ANTKMT: variants seen among roughly 807,000 people sequenced by gnomAD.
The protein encoded by ANTKMT is adenine nucleotide translocase lysine N-methyltransferase.
Under a neutral mutation model 20.7 loss-of-function variants are expected in ANTKMT, and 24 were observed. The ratio of observed to expected loss-of-function variants is 1.16; its 90% CI spans 0.84 to 1.63. The LOEUF (loss-of-function observed/expected upper bound fraction) is 1.63, where lower values mean the gene tolerates loss of function less well. ANTKMT is among the 40% of genes most tolerant of loss of function. The pLI, the probability that ANTKMT is intolerant of heterozygous loss-of-function variation, is 0.00. For missense variants in ANTKMT, 428 were observed against 334.8 expected, an observed-to-expected ratio of 1.28 and a Z score of -2.17; for synonymous variants, 193 against 161.2, an observed-to-expected ratio of 1.20 and a Z score of -1.49.
In ANTKMT at chr16:722,551, C is replaced by A. The variant is rs750648757; in HGVS notation, c.702C>A (p.Ala234=). Residue 234 remains alanine (A), a synonymous_variant, in exon 5 of 5, where the codon GCC becomes GCA. Coordinates refer to ENST00000569529, the MANE Select transcript of ANTKMT (RefSeq NM_023933.3). Reference sequence around the variant, plus strand: ...TCCCGGGGGGCCTTATTTCTCAGGCCAGCTGAGTATTAGACACGATAAAGA... The same window carrying A: ...TCCCGGGGGGCCTTATTTCTCAGGCAAGCTGAGTATTAGACACGATAAAGA... ...APIPGGLISQ[A]S 6.2e-7 allele frequency: 1 copy of A among 1,603,862 alleles called. No individual in the cohort carries two copies. Among genetic ancestry groups the A allele is most frequent in the South Asian group, 1.1e-5 (1 of 90,980 alleles).
rs572377243 is a variant in ANTKMT, at chr16:721,363, C to T, written c.89C>T (p.Ser30Leu). Residue 30 changes from serine (S) to leucine (L), a missense_variant, in exon 1 of 5, where the codon TCG becomes TTG. Coordinates refer to ENST00000569529, the MANE Select transcript of ANTKMT (RefSeq NM_023933.3). Reference protein sequence around the residue: ...ALELLQAAAGSGLAAYAVWAL... With the variant: ...ALELLQAAAGLGLAAYAVWAL... Reference sequence around the variant, plus strand: ...GAGCTGCTGCAGGCGGCGGCCGGCTCGGGCTTGGCAGCCTACGCGGTGTGG... The same window carrying T: ...GAGCTGCTGCAGGCGGCGGCCGGCTTGGGCTTGGCAGCCTACGCGGTGTGG... The T allele has an allele frequency of 5.3e-6, 7 of 1,332,912 alleles. No individual in the cohort carries two copies. The South Asian group carries it at 1.1e-4, about 21-fold the overall frequency. The allele number at this position is 1,332,912 out of a possible 1,614,324, so 82.6% of individuals were successfully genotyped here.
rs563458836 is a variant in ANTKMT, at chr16:722,136, T to C, written c.459+2T>C. 1 of 1,607,606 alleles carries C rather than the reference T, an allele frequency of 6.2e-7. No individual in the cohort carries two copies. Among genetic ancestry groups the C allele is most frequent in the South Asian group, 1.1e-5 (1 of 90,144 alleles). On this transcript the variant is annotated splice_donor_variant, in intron 4 of 4. Transcript: ENST00000569529. LOFTEE classifies it high-confidence loss of function. ...TCTGTGTTCCTGGCCCCTAGCGTGG[T>C]AGGTGCGGGGTTGCCAGCCCCGCTG...
rs370159029 is a variant in ANTKMT, at chr16:721,884, C to T, written c.351C>T (p.His117=). 371 of 1,570,462 alleles carry T rather than the reference C, an allele frequency of 2.4e-4. No homozygotes were observed. The highest frequency in any genetic ancestry group is 2.8e-4 in the Non-Finnish European group (331 of 1,166,054). The change falls in exon 3 of 5, where the codon CAC becomes CAT. Residue 117 remains histidine, a synonymous_variant. Transcript: ENST00000569529. ...GGCTGGTGGCGCTGGCGCGGCTGCA[C>T]GCCTGGAGGGCCGGCTGTGCCGGCA... ...NPWLVALARL[H]AWRAGCAGSV...
rs992191592 is a variant in ANTKMT, at chr16:721,171, C to G, written c.-104C>G. The G allele has an allele frequency of 4.9e-5, 56 of 1,135,126 alleles. No individual in the cohort carries two copies. The highest frequency in any genetic ancestry group is 6.0e-5 in the Non-Finnish European group (55 of 910,480). 70.3% of individuals were successfully genotyped at this position (1,135,126 alleles called of 1,614,324 possible). On this transcript the variant is annotated 5_prime_UTR_variant, in exon 1 of 5. Coordinates refer to ENST00000569529, the MANE Select transcript of ANTKMT (RefSeq NM_023933.3). ...ACTTCCGGTGTCGCGCGGCGGCTCC[C>G]GGCAGGAGGCAGAGGGCACACCGCC...
Position 721,186 on chromosome 16 carries a change from G to C in ANTKMT, c.-89G>C, listed in dbSNP as rs925154784. ...CGGCGGCTCCCGGCAGGAGGCAGAGGGCACACCGCCAGCCCCAGGCCAGGC... is the reference window on the plus strand; with the variant it reads ...CGGCGGCTCCCGGCAGGAGGCAGAGCGCACACCGCCAGCCCCAGGCCAGGC... On this transcript the variant is annotated 5_prime_UTR_variant, in exon 1 of 5. Coordinates refer to ENST00000569529, the MANE Select transcript of ANTKMT (RefSeq NM_023933.3). 5 of 1,177,694 alleles carry C rather than the reference G, an allele frequency of 4.2e-6. No homozygotes were observed. In the South Asian group the frequency reaches 2.1e-4, roughly 49 times the overall value. The allele number at this position is 1,177,694 out of a possible 1,614,324, so 73.0% of individuals were successfully genotyped here.
In ANTKMT at chr16:721,235, G is replaced by A. The variant is rs1437281571; in HGVS notation, c.-40G>A. 2 of 1,234,914 alleles carry A rather than the reference G, an allele frequency of 1.6e-6. No homozygotes were observed. Among genetic ancestry groups the A allele is most frequent in the African/African-American group, 3.2e-5 (2 of 63,454 alleles). The allele number at this position is 1,234,914 out of a possible 1,614,324, so 76.5% of individuals were successfully genotyped here. A position where few individuals can be genotyped will look rare whatever the true frequency, so the allele number is the denominator to read the frequency against. ...GCTGCGAGGGCCGCGGACCCGAGCC[G>A]GGAAGGACCTTGGGCGGACGAGCCG... On this transcript the variant is annotated 5_prime_UTR_variant, in exon 1 of 5. Transcript: ENST00000569529.
Position 722,476 on chromosome 16 carries a change from C to T in ANTKMT, c.627C>T (p.Ala209=). Residue 209 remains alanine (A), a synonymous_variant, in exon 5 of 5, where the codon GCC becomes GCT. Transcript: ENST00000569529. ...VPEGGQAGEA[A]SSRIPIQAAP... The stretch of plus-strand genomic sequence containing the variant: ...AGGGTGGGCAGGCTGGGGAGGCCGC[C>T]TCCTCGCGGATACCCATCCAGGCTG... 6.2e-7 allele frequency: 1 copy of T among 1,612,296 alleles called. No individual in the cohort carries two copies. The highest frequency in any genetic ancestry group is 2.2e-5 in the East Asian group (1 of 44,868).
Position 721,368 on chromosome 16 carries a change from T to G in ANTKMT, c.94T>G (p.Leu32Val). Residue 32 changes from leucine to valine, a missense_variant, in exon 1 of 5, where the codon TTG (leucine) becomes GTG (valine). Leu to Val is a conservative substitution (Grantham distance 32, BLOSUM62 1). Coordinates refer to ENST00000569529, the MANE Select transcript of ANTKMT (RefSeq NM_023933.3). ...ELLQAAAGSG[L>V]AAYAVWALLL... ...GCTGCAGGCGGCGGCCGGCTCGGGC[T>G]TGGCAGCCTACGCGGTGTGGGCGCT... 7.5e-7 allele frequency: 1 copy of G among 1,332,590 alleles called. No individual in the cohort carries two copies. Among genetic ancestry groups the G allele is most frequent in the Non-Finnish European group, 9.6e-7 (1 of 1,045,578 alleles). 82.5% of individuals were successfully genotyped at this position (1,332,590 alleles called of 1,614,324 possible). A position where few individuals can be genotyped will look rare whatever the true frequency, so the allele number is the denominator to read the frequency against.
rs1195167868 is a variant in ANTKMT, at chr16:721,955, C to T, written c.408+14C>T. 2 of 1,563,500 alleles carry T rather than the reference C, an allele frequency of 1.3e-6. No homozygotes were observed. The highest frequency in any genetic ancestry group is 1.7e-6 in the Non-Finnish European group (2 of 1,161,796). On this transcript the variant is annotated intron_variant, in intron 3 of 4. Transcript: ENST00000569529. ...GATCTCTGGAAGGTAACCTGGGGAT[C>T]CCTGGCCACCCGCTGACAGCCCAAG... is the stretch of plus-strand genomic sequence containing the variant.
In ANTKMT at chr16:721,655, G is replaced by A. The variant is rs1265624439; in HGVS notation, c.220G>A (p.Gly74Arg). The A allele has an allele frequency of 6.4e-7, 1 of 1,550,678 alleles. No homozygotes were observed. Among genetic ancestry groups the A allele is most frequent in the Non-Finnish European group, 8.7e-7 (1 of 1,148,086 alleles). ...GGAGCACGTGTTGTCGCTGCTGCGAGGACGCCCCGGAAAAACGGTGGATCT... is the reference window on the plus strand; with the variant it reads ...GGAGCACGTGTTGTCGCTGCTGCGAAGACGCCCCGGAAAAACGGTGGATCT... ...QVEHVLSLLRGRPGKTVDLGS... is the reference protein window; with the variant it reads ...QVEHVLSLLRRRPGKTVDLGS... The change falls in exon 2 of 5, where the codon GGA (glycine) becomes AGA (arginine). Residue 74 changes from glycine (G) to arginine (R), a missense_variant. Coordinates refer to ENST00000569529, the MANE Select transcript of ANTKMT (RefSeq NM_023933.3).
Position 721,642 on chromosome 16 carries a change from G to T in ANTKMT, c.207G>T (p.Leu69Phe). The change falls in exon 2 of 5, where the codon TTG becomes TTT. Residue 69 changes from leucine (L) to phenylalanine (F), a missense_variant. Transcript: ENST00000569529. The part of the protein sequence containing the change: ...GASARQVEHV[L>F]SLLRGRPGKT... ...GCGCGCGGCAGGTGGAGCACGTGTT[G>T]TCGCTGCTGCGAGGACGCCCCGGAA... The T allele has an allele frequency of 6.5e-7, 1 of 1,549,074 alleles. No individual in the cohort carries two copies.
rs1027115089 is a variant in ANTKMT, at chr16:721,284, G to A, written c.10G>A (p.Asp4Asn). 67 of 1,330,758 alleles carry A rather than the reference G, an allele frequency of 5.0e-5. No homozygotes were observed. The highest frequency in any genetic ancestry group is 6.0e-5 in the Non-Finnish European group (63 of 1,042,186). The allele number at this position is 1,330,758 out of a possible 1,614,324, so 82.4% of individuals were successfully genotyped here. The change falls in exon 1 of 5, where the codon GAC becomes AAC. Residue 4 changes from aspartate to asparagine, a missense_variant. Asp to Asn is a conservative substitution (Grantham distance 23, BLOSUM62 1). Transcript: ENST00000569529. MEQ[D>N]DPVEALTELR... is the part of the protein sequence containing the mutation. ...CGCGCGTCCCGCAGCCATGGAGCAG[G>A]ACGACCCGGTCGAGGCGCTGACGGA... is the stretch of plus-strand genomic sequence containing the variant.
Position 721,379 on chromosome 16 carries a change from C to T in ANTKMT, c.105C>T (p.Tyr35=). 2 of 1,322,360 alleles carry T rather than the reference C, an allele frequency of 1.5e-6. No individual in the cohort carries two copies. Among genetic ancestry groups the T allele is most frequent in the Non-Finnish European group, 1.9e-6 (2 of 1,040,420 alleles). The allele number at this position is 1,322,360 out of a possible 1,614,324, so 81.9% of individuals were successfully genotyped here. A position where few individuals can be genotyped will look rare whatever the true frequency, so the allele number is the denominator to read the frequency against. ...QAAAGSGLAA[Y]AVWALLLQPG... ...CGGCCGGCTCGGGCTTGGCAGCCTA[C>T]GCGGTGTGGGCGCTGCTGCTCCAGC... The change falls in exon 1 of 5, where the codon TAC becomes TAT. Residue 35 remains tyrosine (Y), a synonymous_variant. Coordinates refer to ENST00000569529, the MANE Select transcript of ANTKMT (RefSeq NM_023933.3).
In ANTKMT at chr16:721,147, C is replaced by T; in HGVS notation, c.-128C>T. 2.0e-6 allele frequency: 2 copies of T among 988,270 alleles called. No individual in the cohort carries two copies. Among genetic ancestry groups the T allele is most frequent in the South Asian group, 1.0e-4 (2 of 19,364 alleles). The allele number at this position is 988,270 out of a possible 1,614,324, so 61.2% of individuals were successfully genotyped here. A position where few individuals can be genotyped will look rare whatever the true frequency, so the allele number is the denominator to read the frequency against. On this transcript the variant is annotated 5_prime_UTR_variant, in exon 1 of 5. Coordinates refer to ENST00000569529, the MANE Select transcript of ANTKMT (RefSeq NM_023933.3). ...CCGACCGCGCAGGCTCTGCCGGCCA[C>T]TTCCGGTGTCGCGCGGCGGCTCCCG...
chr16:721,522 C>T, intron 1 of ANTKMT, 76 bp from the exon 2 acceptor site: 3 of 1,453,762 alleles, frequency 2.1e-6, no homozygotes, highest in Non-Finnish European at 1.8e-6. Flanking sequence ...GAGCTCCGCC[C>T]CGCCGTGTGG....
rs761738482 is a variant in ANTKMT at position 721,890 on chromosome 16, G to C, written c.357G>C (p.Trp119Cys). 1.3e-6 allele frequency: 2 copies of C among 1,571,036 alleles called. No homozygotes were observed. The highest frequency in any genetic ancestry group is 2.3e-5 in the East Asian group (1 of 43,788). The change falls in exon 3 of 5, where the codon TGG becomes TGC. Residue 119 changes from tryptophan to cysteine, a missense_variant. Coordinates refer to ENST00000569529, the MANE Select transcript of ANTKMT (RefSeq NM_023933.3). ...TGGCGCTGGCGCGGCTGCACGCCTG[G>C]AGGGCCGGCTGTGCCGGCAGCGTCT... is the stretch of plus-strand genomic sequence containing the variant. ...WLVALARLHA[W>C]RAGCAGSVCY...
chr16:722,424 A>G lies in ANTKMT; in HGVS notation c.575A>G (p.Asp192Gly). ...GTGACCGCGGTTGGCGAGGGCCTGG[A>G]CCGAGTATGGGCTTATGATGTTCCT... ...QPVTAVGEGLDRVWAYDVPEG... is the reference protein window; with the variant it reads ...QPVTAVGEGLGRVWAYDVPEG... The change falls in exon 5 of 5, where the codon GAC (aspartate) becomes GGC (glycine). Residue 192 changes from aspartate to glycine, a missense_variant. By Grantham distance (94) the Asp-to-Gly change is moderately conservative. Transcript: ENST00000569529. 6.2e-7 allele frequency: 1 copy of G among 1,608,080 alleles called. No individual in the cohort carries two copies. Among genetic ancestry groups the G allele is most frequent in the Non-Finnish European group, 8.5e-7 (1 of 1,177,630 alleles).
chr16:722,250 G>A (rs1408084635), intron 4 of ANTKMT, 59 bp from the exon 5 acceptor site: 30 of 1,586,636 alleles, frequency 1.9e-5, no homozygotes, highest in Non-Finnish European at 2.4e-5. Flanking sequence ...GGGGGTGAGC[G>A]CGGCTGTTTT....
chr16:722,484 G>A lies in ANTKMT; in HGVS notation c.635G>A (p.Arg212Gln), dbSNP rs757564119. ...CAGGCTGGGGAGGCCGCCTCCTCGC[G>A]GATACCCATCCAGGCTGCCCCCGGA... ...GGQAGEAASS[R>Q]IPIQAAPGPS... is the part of the protein sequence containing the mutation. The change falls in exon 5 of 5, where the codon CGG (arginine) becomes CAG (glutamine). Residue 212 changes from arginine (R) to glutamine (Q), a missense_variant. Coordinates refer to ENST00000569529, the MANE Select transcript of ANTKMT (RefSeq NM_023933.3). 5 of 1,612,270 alleles carry A rather than the reference G, an allele frequency of 3.1e-6. No homozygotes were observed. The highest frequency in any genetic ancestry group is 3.4e-6 in the Non-Finnish European group (4 of 1,179,872).
Sources: gnomAD v4.1 joint callset for allele counts on GRCh38, gnomAD v4.1.1 for gene constraint, MANE v1.5 for transcripts, NCBI Gene and HGNC (gene_info 2026-07-23, HGNC 2026-07-21) for gene names.